The following DLG2 variants were observed in gnomAD, a reference collection of about 807,000 sequenced individuals.
DLG2 encodes disks large homolog 2.
Under a neutral mutation model 132.5 loss-of-function variants are expected in DLG2, and 45 were observed. The observed-to-expected ratio is 0.34, with a 90% CI of 0.27 to 0.44. The LOEUF (loss-of-function observed/expected upper bound fraction) is 0.44, where lower values mean the gene tolerates loss of function less well. Ranked by LOEUF, DLG2 falls within the 20% of genes least tolerant of loss-of-function variation. DLG2 has a pLI of 1.00. For synonymous variants in DLG2, 424 were observed against 419.6 expected (o/e 1.01, Z -0.13); for missense variants, 1,045 against 1,196.9 (o/e 0.87, Z 1.87).
chr11:85,291,676 C>A (rs1280669782), intron 3 of DLG2, among the ~76,000 whole-genome samples: 1 of 151,084 alleles, frequency 6.6e-6, no homozygotes, highest in African/African-American at 2.4e-5. Context: ...TCTCCGCCTC[C>A]AGGGTTCAAG....
intron 18 of DLG2, among the ~76,000 whole-genome samples, chr11:83,695,432 T>C (rs780080589): frequency 2.6e-5 from 4 of 152,096 alleles, no homozygotes; most frequent in Non-Finnish European, 5.9e-5. Context: ...GGGAAGAGGA[T>C]AGAGTTTGTG....
At chr11:84,181,085 T>A (rs1596799804) in intron 8 of DLG2, among the ~76,000 whole-genome samples, 1 of 150,790 alleles carries the variant, frequency 6.6e-6, no homozygotes, top group Non-Finnish European at 1.5e-5. Flanking sequence ...GAATAATGCA[T>A]ATGATTATAT....
chr11:84,069,851 AC>A (rs1286920545), intron 10 of DLG2, among the ~76,000 whole-genome samples: 2 of 152,238 alleles, frequency 1.3e-5, no homozygotes, highest in African/African-American at 4.8e-5. Flanking sequence ...TGGAAAAGAG[AC>A]ATTGAATAGA....
intron 6 of DLG2, among the ~76,000 whole-genome samples, chr11:84,614,906 C>G (rs941078028): frequency 3.3e-5 from 5 of 152,090 alleles, no homozygotes; most frequent in Non-Finnish European, 5.9e-5. Flanking sequence ...TGTTACAGGA[C>G]TTTCAAAGTA....
chr11:85,553,526 A>T (rs1049857805), intron 3 of DLG2, among the ~76,000 whole-genome samples: 2 of 151,486 alleles, frequency 1.3e-5, no homozygotes, highest in African/African-American at 4.8e-5. Context: ...CAGCTAAACT[A>T]CATTGAAGAA....
intron 2 of DLG2, among the ~76,000 whole-genome samples, chr11:85,616,656 A>C (rs2081357662): frequency 6.6e-6 from 1 of 152,196 alleles, no homozygotes; most frequent in South Asian, 2.1e-4. Flanking sequence ...TCTCGGGTAC[A>C]GGCAGAGAAA....
chr11:85,526,944 T>C (rs1315670507), intron 3 of DLG2, among the ~76,000 whole-genome samples: 2 of 152,178 alleles, frequency 1.3e-5, no homozygotes, highest in African/African-American at 4.8e-5. Flanking sequence ...TAAATCACTT[T>C]TTCAATGAAA....
At chr11:84,966,052 G>C (rs561496098) in intron 6 of DLG2, among the ~76,000 whole-genome samples, 7 of 151,942 alleles carry the variant, frequency 4.6e-5, no homozygotes, top group Middle Eastern at 6.8e-3. Context: ...AATGAATAAA[G>C]CACATGTTTG....
At chr11:84,618,542 T>C (rs2099608506) in intron 6 of DLG2, among the ~76,000 whole-genome samples, 2 of 152,016 alleles carry the variant, frequency 1.3e-5, no homozygotes, top group African/African-American at 2.4e-5. Context: ...AAAGCCAGCA[T>C]GCCCAGAGGA....
intron 3 of DLG2, among the ~76,000 whole-genome samples, chr11:85,535,399 A>C (rs998234546): frequency 2.6e-5 from 4 of 152,036 alleles, no homozygotes; most frequent in African/African-American, 9.7e-5. Flanking sequence ...TATATATAAA[A>C]ATAATGTCAG....
At chr11:83,605,281 C>G (rs1470706642) in intron 19 of DLG2, among the ~76,000 whole-genome samples, 1 of 152,114 alleles carries the variant, frequency 6.6e-6, no homozygotes, top group Non-Finnish European at 1.5e-5. Flanking sequence ...GAATGAAAGC[C>G]AATTCAATCT....
At chr11:84,418,810 C>T (rs1290393050) in intron 7 of DLG2, among the ~76,000 whole-genome samples, 2 of 152,192 alleles carry the variant, frequency 1.3e-5, no homozygotes, top group African/African-American at 4.8e-5. Context: ...TCCCTGTTTT[C>T]TCACCCTGGA....
At chr11:83,940,978 G>A (rs534474333) in intron 14 of DLG2, among the ~76,000 whole-genome samples, 1 of 152,178 alleles carries the variant, frequency 6.6e-6, no homozygotes, top group South Asian at 2.1e-4. Flanking sequence ...CATCTCTCTT[G>A]TCATGTCTGT....
At chr11:84,080,636 A>G (rs947831086) in intron 10 of DLG2, among the ~76,000 whole-genome samples, 1 of 152,224 alleles carries the variant, frequency 6.6e-6, no homozygotes, top group African/African-American at 2.4e-5. Flanking sequence ...TTTATTCAAC[A>G]TGCAGATAAA....
At chr11:84,518,395 C>T (rs1565171984) in intron 7 of DLG2, among the ~76,000 whole-genome samples, 1 of 152,024 alleles carries the variant, frequency 6.6e-6, no homozygotes, top group African/African-American at 2.4e-5. Flanking sequence ...TGTTCATAGA[C>T]AGTTAATATA....
intron 17 of DLG2, chr11:83,814,756 G>C (rs1334607042): frequency 1.0e-5 from 2 of 192,662 alleles, no homozygotes; most frequent in East Asian, 2.4e-4. Context: ...TCACTTCTTT[G>C]TGGACATTTT....
At chr11:85,101,584 A>G (rs1177651576) in intron 6 of DLG2, among the ~76,000 whole-genome samples, 1 of 152,054 alleles carries the variant, frequency 6.6e-6, no homozygotes, top group Non-Finnish European at 1.5e-5. Context: ...TTTTTTTGAC[A>G]CAGAAACAGA....
At chr11:84,495,059 C>A (rs1241542519) in intron 7 of DLG2, among the ~76,000 whole-genome samples, 1 of 152,136 alleles carries the variant, frequency 6.6e-6, no homozygotes, top group African/African-American at 2.4e-5. Flanking sequence ...TACACACACC[C>A]ATTTAAACAT....
At chr11:85,627,557 C>G (rs1052136667), upstream of DLG2, 4 of 152,210 alleles carry the variant, frequency 2.6e-5, no homozygotes, top group Non-Finnish European at 5.9e-5. Flanking sequence ...AAGGTGTTTT[C>G]AGAGACGCCG....
Sources: allele counts gnomAD v4.1 joint callset (sites outside exome capture counted in the v4.1 genomes callset), GRCh38; gene constraint gnomAD v4.1.1; transcripts MANE v1.5; gene names NCBI Gene and HGNC (gene_info 2026-07-23, HGNC 2026-07-21).